The following CNTN6 variants were observed in gnomAD, a reference collection of about 807,000 sequenced individuals.
The protein encoded by CNTN6 is contactin 6.
CNTN6 carries 137 observed loss-of-function variants against 122.8 expected under a neutral mutation model. The ratio of observed to expected loss-of-function variants is 1.12; its 90% CI spans 0.97 to 1.29. The LOEUF is 1.29. CNTN6 is among the 50% of genes most tolerant of loss of function. The probability of loss-of-function intolerance (pLI) is 0.00; values close to 1 mark genes in which losing one functional copy is unlikely to be tolerated. For missense variants in CNTN6, 1,634 were observed against 1,223.4 expected (o/e 1.34, Z -5.01); for synonymous variants, 570 against 426.0 (o/e 1.34, Z -4.16).
At chr3:1,342,911 T>A (rs1704112489) in intron 11 of CNTN6, among the ~76,000 whole-genome samples, 1 of 152,054 alleles carries the variant, frequency 6.6e-6, no homozygotes, top group African/African-American at 2.4e-5. Flanking sequence ...ATACTTGAGT[T>A]TTTTTCATTA....
intron 2 of CNTN6, among the ~76,000 whole-genome samples, chr3:1,157,620 T>C (rs2093004713): frequency 6.6e-6 from 1 of 152,192 alleles, no homozygotes; most frequent in Admixed American, 6.6e-5. Flanking sequence ...TTGTACTCAT[T>C]AACCATCCCC....
chr3:1,159,115 C>A (rs1459410294), intron 2 of CNTN6, among the ~76,000 whole-genome samples: 1 of 151,510 alleles, frequency 6.6e-6, no homozygotes, highest in Admixed American at 6.6e-5. Flanking sequence ...GGGGAAATCA[C>A]CCAGGGCCTT....
intron 2 of CNTN6, among the ~76,000 whole-genome samples, chr3:1,158,879 CATATATACACACATATATATACACAT>C (rs1441883219): frequency 2.5e-5 from 2 of 80,450 alleles, no homozygotes; most frequent in African/African-American, 1.1e-4. Flanking sequence ...TATATATACA[CATATATACACACATATATATACACAT>C]ATATATACAC....
At chr3:1,263,908 C>A (rs928030061) in intron 4 of CNTN6, among the ~76,000 whole-genome samples, 6 of 151,100 alleles carry the variant, frequency 4.0e-5, no homozygotes, top group African/African-American at 1.5e-4. Context: ...GTGGTAGTAG[C>A]AAGTAGGCTG....
intron 7 of CNTN6, among the ~76,000 whole-genome samples, chr3:1,321,036 T>C (rs1700772085): frequency 1.3e-5 from 2 of 151,594 alleles, no homozygotes; most frequent in African/African-American, 4.8e-5. Context: ...AGTACTTTTT[T>C]TGAGGATCAT....
At chr3:1,127,718 A>C (rs1394682834) in intron 1 of CNTN6, among the ~76,000 whole-genome samples, 1 of 151,916 alleles carries the variant, frequency 6.6e-6, no homozygotes, top group African/African-American at 2.4e-5. Context: ...TTGTTGATTG[A>C]ATTTTTGCAC....
At chr3:1,316,839 A>C (rs1187828210) in intron 7 of CNTN6, among the ~76,000 whole-genome samples, 1 of 151,864 alleles carries the variant, frequency 6.6e-6, no homozygotes. Context: ...AGTTTTTCCC[A>C]CCCACTGTCC....
intron 2 of CNTN6, among the ~76,000 whole-genome samples, chr3:1,195,130 G>A (rs181078989): frequency 6.6e-6 from 1 of 152,208 alleles, no homozygotes; most frequent in East Asian, 1.9e-4. Context: ...GACAGCCTCT[G>A]CACCCCAGAA....
rs767410309 is a variant in CNTN6, at chr3:1,227,895, A to G, written c.260A>G (p.Asn87Ser). 1.5e-5 allele frequency: 24 copies of G among 1,613,984 alleles called. No individual in the cohort carries two copies. The highest frequency in any genetic ancestry group is 6.7e-5 in the Admixed American group (4 of 59,982). ...YRLDGGSLAI[N>S]SPHTDQDIGM... The stretch of plus-strand genomic sequence containing the variant: ...TTGGATGGAGGCAGTCTTGCAATCA[A>G]TAGCCCCCACACAGATCAAGATATT... Residue 87 changes from asparagine to serine, a missense_variant, in exon 4 of 23, where the codon AAT becomes AGT. Asn to Ser is a conservative substitution (Grantham distance 46, BLOSUM62 1). Coordinates refer to ENST00000446702, the MANE Select transcript of CNTN6 (RefSeq NM_001289080.2).
chr3:1,158,782 G>GTA (rs765874868), intron 2 of CNTN6, among the ~76,000 whole-genome samples: 30 of 46,444 alleles, frequency 6.5e-4, no homozygotes, highest in East Asian at 4.0e-3. Context: ...ATATATGTGT[G>GTA]TATATATGTG....
At chr3:1,191,954 T>C (rs950724028) in intron 2 of CNTN6, among the ~76,000 whole-genome samples, 2 of 152,192 alleles carry the variant, frequency 1.3e-5, no homozygotes, top group Non-Finnish European at 2.9e-5. Context: ...ACTGTTACAG[T>C]TCACATTCTG....
intron 2 of CNTN6, among the ~76,000 whole-genome samples, chr3:1,193,452 A>G (rs2093730692): frequency 6.6e-6 from 1 of 152,166 alleles, no homozygotes; most frequent in Non-Finnish European, 1.5e-5. Flanking sequence ...AAATAGAATA[A>G]TAGTAGTGCC....
intron 2 of CNTN6, among the ~76,000 whole-genome samples, chr3:1,218,086 G>A (rs929034813): frequency 9.2e-5 from 14 of 152,138 alleles, no homozygotes; most frequent in African/African-American, 3.1e-4. Context: ...GCTGGAACCT[G>A]AGAGAGGCGA....
intron 4 of CNTN6, among the ~76,000 whole-genome samples, chr3:1,243,448 G>A (rs796325212): frequency 7.9e-5 from 12 of 152,224 alleles, no homozygotes; most frequent in African/African-American, 2.6e-4. Context: ...CCTGTTGTGG[G>A]GTTTGAGGGC....
At chr3:1,262,812 A>G (rs187895055) in intron 4 of CNTN6, among the ~76,000 whole-genome samples, 1 of 152,082 alleles carries the variant, frequency 6.6e-6, no homozygotes, top group Non-Finnish European at 1.5e-5. Flanking sequence ...ATAATAATAA[A>G]TATTTACTGT....
At chr3:1,342,111 T>A (rs978469889) in intron 11 of CNTN6, among the ~76,000 whole-genome samples, 8 of 151,980 alleles carry the variant, frequency 5.3e-5, no homozygotes, top group African/African-American at 1.9e-4. Flanking sequence ...ATAAAAGTAC[T>A]CAGGTCTATT....
rs1695969920 is a variant in CNTN6, at chr3:1,295,023, C to T, written c.455-578C>T. On this transcript the variant is annotated intron_variant, in intron 5 of 22. Coordinates refer to ENST00000446702, the MANE Select transcript of CNTN6 (RefSeq NM_001289080.2). ...ATCCTAGCACTTTGGGAGGCTAAGG[C>T]AGGAGAATGACTTGAGCTCAGGAGT... 2.0e-5 allele frequency among the ~76,000 whole-genome samples: 3 copies of T among 152,098 alleles called. No homozygotes were observed. The South Asian group carries it at 6.2e-4, about 31-fold the overall frequency.
intron 4 of CNTN6, among the ~76,000 whole-genome samples, chr3:1,275,971 A>G (rs1018076602): frequency 6.6e-6 from 1 of 152,232 alleles, no homozygotes; most frequent in African/African-American, 2.4e-5. Context: ...TGGATAATAC[A>G]AATTTAATAG....
chr3:1,363,513 G>A lies in CNTN6; in HGVS notation c.1493-8786G>A, dbSNP rs549852972. On this transcript the variant is annotated intron_variant, in intron 12 of 22. Coordinates refer to ENST00000446702, the MANE Select transcript of CNTN6 (RefSeq NM_001289080.2). ...GCCACCTATAATTTAGATCATACAG[G>A]ATTTTTCTTTCTGTGCCTGGCTTAC... is the stretch of plus-strand genomic sequence containing the variant. Among the ~76,000 whole-genome samples, 5 of 151,812 alleles carry A rather than the reference G, an allele frequency of 3.3e-5. No homozygotes were observed. The East Asian group carries it at 9.7e-4, about 30-fold the overall frequency.
Sources: gnomAD v4.1 joint callset for allele counts (sites outside exome capture counted in the v4.1 genomes callset) on GRCh38, gnomAD v4.1.1 for gene constraint, MANE v1.5 for transcripts, NCBI Gene and HGNC (gene_info 2026-07-23, HGNC 2026-07-21) for gene names.